PRTG: variants seen among roughly 807,000 people sequenced by gnomAD.
The protein encoded by PRTG is protogenin.
A neutral mutation model predicts 122.5 loss-of-function variants in PRTG; 67 were observed. That is an observed-to-expected ratio of 0.55 (90% CI 0.45 to 0.67). The LOEUF (loss-of-function observed/expected upper bound fraction) is 0.67. Among genes scored for constraint, PRTG ranks in the 30% least tolerant of loss-of-function variants. The pLI, the probability that PRTG is intolerant of heterozygous loss-of-function variation, is 0.00. For synonymous variants in PRTG, 554 were observed against 501.1 expected, an observed-to-expected ratio of 1.11 and a Z score of -1.41; for missense variants, 1,435 against 1,415.4, an observed-to-expected ratio of 1.01 and a Z score of -0.22.
At chr15:55,624,304 G>T in intron 18 of PRTG, 38 bp downstream of exon 18, 7 of 1,596,702 alleles carry the variant, frequency 4.4e-6, no homozygotes, top group Non-Finnish European at 6.0e-6. Flanking sequence ...AGGAGGAATG[G>T]AAGAACGGCT....
chr15:55,730,367 G>A (rs2031188042), intron 2 of PRTG, among the ~76,000 whole-genome samples: 1 of 152,006 alleles, frequency 6.6e-6, no homozygotes, highest in Admixed American at 6.5e-5. Flanking sequence ...CTCCCAAAGT[G>A]CTGGGATTAC....
chr15:55,687,092 G>A (rs2059574482), intron 2 of PRTG, among the ~76,000 whole-genome samples: 1 of 152,102 alleles, frequency 6.6e-6, no homozygotes, highest in Non-Finnish European at 1.5e-5. Context: ...TGCAGATTTG[G>A]CACTAAAAAA....
chr15:55,672,322 T>G, intron 11 of PRTG, 123 bp downstream of exon 11: 1 of 780,642 alleles, frequency 1.3e-6, no homozygotes, highest in Non-Finnish European at 2.1e-6. Flanking sequence ...CACACTGACA[T>G]AGTAAAATCA....
At chr15:55,634,056 T>G (rs892396891) in intron 15 of PRTG, among the ~76,000 whole-genome samples, 1 of 141,712 alleles carries the variant, frequency 7.1e-6, no homozygotes, top group African/African-American at 2.6e-5. Context: ...GAACAAAATA[T>G]ACATTGCTTT....
intron 2 of PRTG, among the ~76,000 whole-genome samples, chr15:55,734,028 C>T (rs139408999): frequency 7.2e-5 from 11 of 152,202 alleles, no homozygotes; most frequent in African/African-American, 2.4e-4. Flanking sequence ...GTTATTTTGC[C>T]CCACAGTAGA....
intron 1 of PRTG, among the ~76,000 whole-genome samples, chr15:55,741,639 G>T (rs2031612622): frequency 6.6e-6 from 1 of 152,124 alleles, no homozygotes; most frequent in Non-Finnish European, 1.5e-5. Context: ...GGAGAATGGG[G>T]GTGTGTGGGG....
intron 11 of PRTG, among the ~76,000 whole-genome samples, chr15:55,642,203 ATAGT>A (rs2059295618): frequency 6.8e-6 from 1 of 146,874 alleles, no homozygotes; most frequent in African/African-American, 2.6e-5. Context: ...AAAAAAAAAA[ATAGT>A]TATACATTTC....
At chr15:55,713,322 T>C (rs149195574) in intron 2 of PRTG, among the ~76,000 whole-genome samples, 221 of 152,344 alleles carry the variant, frequency 1.5e-3, no homozygotes, top group African/African-American at 5.1e-3. Flanking sequence ...TTAATTAATT[T>C]AACTATATGT....
At chr15:55,734,368 AG>A (rs1321629744) in intron 2 of PRTG, among the ~76,000 whole-genome samples, 1 of 152,150 alleles carries the variant, frequency 6.6e-6, no homozygotes, top group Non-Finnish European at 1.5e-5. Flanking sequence ...TGCATAAAAC[AG>A]CAACATTAAG....
chr15:55,627,133 A>T lies in PRTG; in HGVS notation c.2807-5T>A, dbSNP rs2059199379. 1 of 1,573,380 alleles carries T rather than the reference A, an allele frequency of 6.4e-7. No homozygotes were observed. The highest frequency in any genetic ancestry group is 8.7e-7 in the Non-Finnish European group (1 of 1,152,422). On this transcript the variant is annotated splice_region_variant and splice_polypyrimidine_tract_variant and intron_variant, in intron 16 of 19. Transcript: ENST00000389286. ...GATGGTAATATCCTGAATAAACTAG[A>T]AGGGAAAACACATTTACTCAGAATC...
intron 2 of PRTG, among the ~76,000 whole-genome samples, chr15:55,715,695 A>C (rs2141860679): frequency 6.6e-6 from 1 of 152,358 alleles, no homozygotes; most frequent in South Asian, 2.1e-4. Flanking sequence ...TCCAAACTAG[A>C]GTTCCGTAAG....
chr15:55,708,159 A>ACAAAAC (rs1279480671), intron 2 of PRTG, among the ~76,000 whole-genome samples: 16 of 94,300 alleles, frequency 1.7e-4, no homozygotes, highest in African/African-American at 6.0e-4. Context: ...AAAAAAAAAA[A>ACAAAAC]AAAAAAAAAA....
At chr15:55,679,242 C>A in intron 7 of PRTG, 44 bp downstream of exon 7, 1 of 1,305,644 alleles carries the variant, frequency 7.7e-7, no homozygotes, top group Non-Finnish European at 1.1e-6. Flanking sequence ...ATTACTAAAG[C>A]CATTATATCA....
rs559058014 is a variant in PRTG at position 55,630,233 on chromosome 15, G to A, written c.2624-1229C>T. 5.9e-5 allele frequency among the ~76,000 whole-genome samples: 9 copies of A among 152,130 alleles called. 1 individual carries two copies. Among genetic ancestry groups the A allele is most frequent in the South Asian group, 2.1e-4 (1 of 4,816 alleles). ...GATCTCCTGCCCTCGTGATCTGCCC[G>A]CCTCGGCCTCCCAAAGTGATGGGAT... is the stretch of plus-strand genomic sequence containing the variant. On this transcript the variant is annotated intron_variant, in intron 15 of 19. Coordinates refer to ENST00000389286, the MANE Select transcript of PRTG (RefSeq NM_173814.6).
chr15:55,635,283 G>C (rs1408710640), intron 15 of PRTG, among the ~76,000 whole-genome samples: 1 of 152,058 alleles, frequency 6.6e-6, no homozygotes, highest in African/African-American at 2.4e-5. Flanking sequence ...GTAGAGACAG[G>C]GTTTCACCAT....
intron 11 of PRTG, among the ~76,000 whole-genome samples, chr15:55,663,364 T>C (rs1284269496): frequency 6.6e-6 from 1 of 152,108 alleles, no homozygotes; most frequent in African/African-American, 2.4e-5. Context: ...GAAACTTATT[T>C]TTGTTGTTGT....
chr15:55,707,498 C>A, intron 2 of PRTG, among the ~76,000 whole-genome samples: 1 of 152,148 alleles, frequency 6.6e-6, no homozygotes, highest in South Asian at 2.1e-4. Flanking sequence ...TTATTAAATG[C>A]GGAATGCATA....
chr15:55,657,381 G>C (rs1295326343), intron 11 of PRTG, among the ~76,000 whole-genome samples: 1 of 152,032 alleles, frequency 6.6e-6, no homozygotes. Context: ...ATCATACTTG[G>C]CCATTCAGAT....
At chr15:55,706,331 A>G (rs940932823) in intron 2 of PRTG, among the ~76,000 whole-genome samples, 1 of 152,090 alleles carries the variant, frequency 6.6e-6, no homozygotes, top group African/African-American at 2.4e-5. Flanking sequence ...AGGTGGAAGG[A>G]TATCAAGGGA....
Sources: allele counts gnomAD v4.1 joint callset (sites outside exome capture counted in the v4.1 genomes callset), GRCh38; gene constraint gnomAD v4.1.1; transcripts MANE v1.5; gene names NCBI Gene and HGNC (gene_info 2026-07-23, HGNC 2026-07-21).